The following EVI5 variants were observed in gnomAD, a reference collection of about 807,000 sequenced individuals.
EVI5 encodes ecotropic viral integration site 5, also known as ecotropic viral integration site 5 protein homolog.
A neutral mutation model predicts 112.0 loss-of-function variants in EVI5; 73 were observed. That is an observed-to-expected ratio of 0.65 (90% CI 0.54 to 0.79). The LOEUF is 0.79. Ranked by LOEUF, EVI5 falls within the 30% of genes least tolerant of loss-of-function variation. The pLI, the probability that EVI5 is intolerant of heterozygous loss-of-function variation, is 0.00. For missense variants in EVI5, 900 were observed against 968.8 expected (o/e 0.93, Z 0.94); for synonymous variants, 305 against 319.9 (o/e 0.95, Z 0.50).
chr1:92,572,096 C>G (rs1670406046), intron 18 of EVI5, among the ~76,000 whole-genome samples: 1 of 152,042 alleles, frequency 6.6e-6, no homozygotes, highest in Admixed American at 6.6e-5. Flanking sequence ...CAGAAATTAC[C>G]ATTACAACGT....
intron 16 of EVI5, among the ~76,000 whole-genome samples, chr1:92,616,814 G>A (rs370576040): frequency 1.9e-3 from 291 of 152,184 alleles, no homozygotes; most frequent in Non-Finnish European, 1.8e-3. Flanking sequence ...AAGTCACCAC[G>A]CGACCTGAAC....
At chr1:92,657,425 G>A (rs1663195692) in intron 13 of EVI5, among the ~76,000 whole-genome samples, 1 of 152,194 alleles carries the variant, frequency 6.6e-6, no homozygotes, top group Non-Finnish European at 1.5e-5. Context: ...CACTTTGAGA[G>A]GCCAAGGCAG....
chr1:92,761,154 T>C (rs7548287), intron 1 of EVI5, among the ~76,000 whole-genome samples: 13,102 of 152,182 alleles, frequency 0.086, 1,598 homozygotes, highest in African/African-American at 0.27. Context: ...TTTATATTTT[T>C]AGTCTCAAAT....
intron 2 of EVI5, among the ~76,000 whole-genome samples, chr1:92,705,481 C>A (rs770906056): frequency 6.6e-6 from 1 of 152,152 alleles, no homozygotes; most frequent in Non-Finnish European, 1.5e-5. Context: ...GCTCACTTTC[C>A]ATAATCCCTA....
intron 2 of EVI5, among the ~76,000 whole-genome samples, chr1:92,711,591 G>A (rs1422013190): frequency 2.0e-5 from 3 of 152,068 alleles, no homozygotes; most frequent in African/African-American, 7.2e-5. Context: ...GGAGGTCAAG[G>A]CTTCAGTGAG....
At chr1:92,556,439 C>A (rs1048342483) in intron 19 of EVI5, among the ~76,000 whole-genome samples, 1 of 152,120 alleles carries the variant, frequency 6.6e-6, no homozygotes, top group Non-Finnish European at 1.5e-5. Flanking sequence ...TAAAGTTTTC[C>A]ATAGGTTCTT....
chr1:92,650,130 C>T (rs1048285247), intron 13 of EVI5, among the ~76,000 whole-genome samples: 13 of 151,816 alleles, frequency 8.6e-5, no homozygotes, highest in African/African-American at 2.9e-4. Context: ...CAACTTTGTT[C>T]TTTTTTTTCA....
intron 13 of EVI5, among the ~76,000 whole-genome samples, chr1:92,650,245 T>C (rs967871217): frequency 6.6e-6 from 1 of 152,232 alleles, no homozygotes; most frequent in Non-Finnish European, 1.5e-5. Flanking sequence ...TTTGATAGGA[T>C]TGAATCTGTA....
intron 9 of EVI5, among the ~76,000 whole-genome samples, chr1:92,690,966 C>CA (rs1669409773): frequency 6.6e-6 from 1 of 152,008 alleles, no homozygotes; most frequent in Non-Finnish European, 1.5e-5. Context: ...ATAGAAAACA[C>CA]AAGAGATACA....
chr1:92,526,469 C>CTGAAGAGCTGTTAAGCAGTTTAA (rs1237991050), intron 19 of EVI5, among the ~76,000 whole-genome samples: 7 of 152,146 alleles, frequency 4.6e-5, no homozygotes, highest in Non-Finnish European at 1.0e-4. Context: ...CATGGTAGGT[C>CTGAAGAGCTGTTAAGCAGTTTAA]TGAAGAGCTG....
rs183031639 is a variant in EVI5, at chr1:92,634,280, A to G, written c.1527+1922T>C. On this transcript the variant is annotated intron_variant, in intron 14 of 19. Transcript: ENST00000684568. The stretch of plus-strand genomic sequence containing the variant: ...GGATAATATCCTGCAGAGTTTTCCA[A>G]CTTGGTTCCATTCTCCCCGTCACTT... Among the ~76,000 whole-genome samples the G allele has an allele frequency of 3.9e-3, 596 of 152,276 alleles. 3 individuals carry two copies. The highest frequency in any genetic ancestry group is 0.013 in the African/African-American group (548 of 41,556).
chr1:92,563,594 C>A (rs753275226), intron 19 of EVI5, 48 bp downstream of exon 19: 1 of 927,074 alleles, frequency 1.1e-6, no homozygotes, highest in Admixed American at 1.9e-5. Context: ...TGTTACAATA[C>A]AGAGGAAGGA....
At chr1:92,713,618 A>AC (rs1558129991) in intron 2 of EVI5, among the ~76,000 whole-genome samples, 36 of 151,874 alleles carry the variant, frequency 2.4e-4, no homozygotes, top group Admixed American at 1.4e-3. Context: ...TCTACCAAAA[A>AC]CTACAAAAAT....
chr1:92,529,292 C>G (rs540586211), intron 19 of EVI5, among the ~76,000 whole-genome samples: 2 of 152,250 alleles, frequency 1.3e-5, no homozygotes, highest in Admixed American at 6.5e-5. Context: ...CTTTGGCTAC[C>G]AAATATGTGA....
chr1:92,765,842 A>C (rs1286135569), intron 1 of EVI5, among the ~76,000 whole-genome samples: 1 of 152,064 alleles, frequency 6.6e-6, no homozygotes, highest in African/African-American at 2.4e-5. Flanking sequence ...TTGGGAAGCC[A>C]AGGCGGGAGG....
intron 13 of EVI5, among the ~76,000 whole-genome samples, chr1:92,655,865 G>A (rs1662909145): frequency 6.6e-6 from 1 of 152,050 alleles, no homozygotes; most frequent in Non-Finnish European, 1.5e-5. Flanking sequence ...AGGACATCCT[G>A]AGACAGTGCC....
intron 9 of EVI5, among the ~76,000 whole-genome samples, chr1:92,678,422 C>G (rs1667086977): frequency 6.6e-6 from 1 of 151,940 alleles, no homozygotes; most frequent in African/African-American, 2.4e-5. Context: ...GTTGCAGGTA[C>G]TCAGAGGCTG....
At chr1:92,670,510 T>C (rs190895624) in intron 10 of EVI5, among the ~76,000 whole-genome samples, 39 of 152,346 alleles carry the variant, frequency 2.6e-4, no homozygotes, top group Admixed American at 7.8e-4. Context: ...CCCTTCGTAG[T>C]ATAACTGCCT....
At chr1:92,778,947 G>T (rs1243004786) in intron 1 of EVI5, among the ~76,000 whole-genome samples, 1 of 152,102 alleles carries the variant, frequency 6.6e-6, no homozygotes, top group Non-Finnish European at 1.5e-5. Flanking sequence ...CCTAGTCTCA[G>T]AGATTCTGAC....
Sources: allele counts gnomAD v4.1 joint callset (sites outside exome capture counted in the v4.1 genomes callset), GRCh38; gene constraint gnomAD v4.1.1; transcripts MANE v1.5; gene names NCBI Gene and HGNC (gene_info 2026-07-23, HGNC 2026-07-21).